GALNT13: variants seen among roughly 807,000 people sequenced by gnomAD.
The protein encoded by GALNT13 is UDP-GalNAc:polypeptide N-acetylgalactosaminyltransferase 13.
GALNT13 carries 28 observed loss-of-function variants against 64.2 expected under a neutral mutation model. The ratio of observed to expected loss-of-function variants is 0.44; its 90% CI spans 0.32 to 0.60. GALNT13 has a LOEUF of 0.60. GALNT13 is among the 20% of genes least tolerant of loss of function. The probability of loss-of-function intolerance (pLI) is 0.05; values close to 1 mark genes in which losing one functional copy is unlikely to be tolerated. For synonymous variants in GALNT13, 214 were observed against 224.6 expected (o/e 0.95, Z 0.42); for missense variants, 577 against 669.8 (o/e 0.86, Z 1.53).
intron 3 of GALNT13, among the ~76,000 whole-genome samples, chr2:153,977,368 G>T (rs955096249): frequency 5.9e-5 from 9 of 152,158 alleles, no homozygotes; most frequent in Non-Finnish European, 1.3e-4. Flanking sequence ...GTTCCTCAAG[G>T]CTGGAGAAAC....
chr2:154,426,408 T>C (rs868089633), intron 11 of GALNT13, among the ~76,000 whole-genome samples: 2 of 152,150 alleles, frequency 1.3e-5, no homozygotes, highest in Admixed American at 6.6e-5. Context: ...GACTGTCCTG[T>C]CATGGTCACA....
At chr2:153,788,516 A>G in the GALNT13 span, among the ~76,000 whole-genome samples, 1 of 152,190 alleles carries the variant, frequency 6.6e-6, no homozygotes, top group African/African-American at 2.4e-5. Flanking sequence ...TACACAGACC[A>G]GTGATACTAT....
the GALNT13 span, among the ~76,000 whole-genome samples, chr2:153,349,866 T>TA: frequency 1.3e-4 from 20 of 151,726 alleles, no homozygotes; most frequent in Non-Finnish European, 2.2e-4. Context: ...AGAATCCAAT[T>TA]AAAAAAAAGA....
chr2:153,961,453 C>A (rs1393462694), intron 3 of GALNT13, among the ~76,000 whole-genome samples: 1 of 149,906 alleles, frequency 6.7e-6, no homozygotes, highest in African/African-American at 2.5e-5. Context: ...TATTTTCATT[C>A]ACGTTTATAT....
At chr2:154,152,089 C>T (rs1158553483) in intron 4 of GALNT13, among the ~76,000 whole-genome samples, 3 of 152,106 alleles carry the variant, frequency 2.0e-5, no homozygotes, top group Admixed American at 6.6e-5. Flanking sequence ...TTTCCATGTT[C>T]AGTGCCTCCT....
the GALNT13 span, among the ~76,000 whole-genome samples, chr2:153,538,191 G>T: frequency 6.6e-6 from 1 of 152,058 alleles, no homozygotes. Flanking sequence ...TGGAATAAAG[G>T]TGACTCTTGC....
At chr2:153,106,919 A>G in the GALNT13 span, among the ~76,000 whole-genome samples, 1 of 152,288 alleles carries the variant, frequency 6.6e-6, no homozygotes, top group East Asian at 1.9e-4. Flanking sequence ...TTGGTATGAA[A>G]ATCTGATTGA....
At chr2:154,303,487 C>T (rs988552427) in intron 9 of GALNT13, among the ~76,000 whole-genome samples, 5 of 152,116 alleles carry the variant, frequency 3.3e-5, no homozygotes, top group African/African-American at 9.7e-5. Context: ...ATTGGCCCAG[C>T]TGCTAGCATC....
the GALNT13 span, among the ~76,000 whole-genome samples, chr2:153,655,964 T>G: frequency 6.6e-6 from 1 of 152,132 alleles, no homozygotes; most frequent in Non-Finnish European, 1.5e-5. Context: ...GTATAATGTC[T>G]TCACATACCA....
chr2:153,244,558 C>T, the GALNT13 span, among the ~76,000 whole-genome samples: 1 of 152,270 alleles, frequency 6.6e-6, no homozygotes, highest in Non-Finnish European at 1.5e-5. Flanking sequence ...GGAGCTCCCT[C>T]CCCCAGCCAA....
intron 3 of GALNT13, among the ~76,000 whole-genome samples, chr2:153,954,777 C>T (rs1466554139): frequency 6.6e-6 from 1 of 151,880 alleles, no homozygotes; most frequent in African/African-American, 2.4e-5. Flanking sequence ...ATTTAAATTC[C>T]CCAAGGTTAC....
the GALNT13 span, among the ~76,000 whole-genome samples, chr2:153,542,353 C>T: frequency 3.2e-5 from 2 of 62,962 alleles, no homozygotes; most frequent in Non-Finnish European, 5.4e-5. Context: ...CAAACACACA[C>T]ACACACAAAA....
At chr2:154,043,259 G>C (rs1432256540) in intron 3 of GALNT13, among the ~76,000 whole-genome samples, 1 of 151,676 alleles carries the variant, frequency 6.6e-6, no homozygotes, top group Non-Finnish European at 1.5e-5. Context: ...GTTGATATCG[G>C]AAAGCAAAAT....
At chr2:153,759,935 C>G in the GALNT13 span, among the ~76,000 whole-genome samples, 1 of 152,030 alleles carries the variant, frequency 6.6e-6, no homozygotes, top group Non-Finnish European at 1.5e-5. Flanking sequence ...TGAACATTTA[C>G]TTCATGGGAG....
chr2:153,390,074 A>G, the GALNT13 span, among the ~76,000 whole-genome samples: 64 of 152,146 alleles, frequency 4.2e-4, no homozygotes, highest in African/African-American at 1.5e-3. Context: ...ATATCCATCA[A>G]TGATAGACTG....
chr2:154,164,678 T>G (rs915658097), intron 4 of GALNT13, among the ~76,000 whole-genome samples: 59 of 152,218 alleles, frequency 3.9e-4, no homozygotes, highest in African/African-American at 1.3e-3. Flanking sequence ...ATTGAAAAGT[T>G]CTTTGTAAGG....
chr2:154,312,427 G>A (rs999546390), intron 9 of GALNT13, among the ~76,000 whole-genome samples: 1 of 151,814 alleles, frequency 6.6e-6, no homozygotes. Flanking sequence ...CTTTTTATTC[G>A]TATGCTTTGT....
the GALNT13 span, among the ~76,000 whole-genome samples, chr2:153,528,626 T>C: frequency 6.6e-6 from 1 of 151,986 alleles, no homozygotes; most frequent in Non-Finnish European, 1.5e-5. Flanking sequence ...CACAGGTTTT[T>C]CCTCAGCCTA....
At chr2:153,691,651 C>T in the GALNT13 span, among the ~76,000 whole-genome samples, 1 of 151,848 alleles carries the variant, frequency 6.6e-6, no homozygotes, top group Non-Finnish European at 1.5e-5. Context: ...AAGAAAAAAA[C>T]CCTCAATTTT....
Sources: allele counts gnomAD v4.1 joint callset (sites outside exome capture counted in the v4.1 genomes callset), GRCh38; gene constraint gnomAD v4.1.1; transcripts MANE v1.5; gene names NCBI Gene and HGNC (gene_info 2026-07-23, HGNC 2026-07-21).